HSD17B12: variants seen among roughly 807,000 people sequenced by gnomAD.
HSD17B12 encodes very-long-chain 3-oxoacyl-CoA reductase.
A neutral mutation model predicts 39.3 loss-of-function variants in HSD17B12; 32 were observed. That is an observed-to-expected ratio of 0.81 (90% CI 0.61 to 1.09). HSD17B12 has a LOEUF of 1.09. Ranked by LOEUF, HSD17B12 falls within the 50% of genes least tolerant of loss-of-function variation. HSD17B12 has a pLI of 0.00. For missense variants in HSD17B12, 342 were observed against 382.9 expected, an observed-to-expected ratio of 0.89 and a Z score of 0.89; for synonymous variants, 150 against 146.7, an observed-to-expected ratio of 1.02 and a Z score of -0.16.
intron 9 of HSD17B12, among the ~76,000 whole-genome samples, chr11:43,845,480 CT>C (rs1276215721): frequency 6.6e-6 from 1 of 151,944 alleles, no homozygotes; most frequent in African/African-American, 2.4e-5. Context: ...CTTTTATTTC[CT>C]TTAACCTGGG....
the HSD17B12 span, among the ~76,000 whole-genome samples, chr11:43,641,861 A>G: frequency 6.6e-6 from 1 of 151,946 alleles, no homozygotes; most frequent in Non-Finnish European, 1.5e-5. Flanking sequence ...GTCTAAACAA[A>G]CATTTTAAAT....
chr11:43,839,424 T>A (rs1257937892), intron 8 of HSD17B12, among the ~76,000 whole-genome samples: 4 of 152,166 alleles, frequency 2.6e-5, no homozygotes, highest in Non-Finnish European at 5.9e-5. Flanking sequence ...CTTGATTCTT[T>A]GCATTTCTAG....
the HSD17B12 span, among the ~76,000 whole-genome samples, chr11:43,616,797 TAAAAAAAAAAAAAAA>T: frequency 1.7e-4 from 10 of 59,710 alleles, no homozygotes; most frequent in African/African-American, 7.1e-4. Flanking sequence ...GTGCCCAAAC[TAAAAAAAAAAAAAAA>T]AAAAAAAAAA....
At chr11:43,660,092 G>T in the HSD17B12 span, among the ~76,000 whole-genome samples, 1 of 152,096 alleles carries the variant, frequency 6.6e-6, no homozygotes, top group African/African-American at 2.4e-5. Flanking sequence ...CTCCCTTGCC[G>T]TGCTAGTGGA....
At chr11:43,658,166 C>G in the HSD17B12 span, among the ~76,000 whole-genome samples, 70 of 152,238 alleles carry the variant, frequency 4.6e-4, no homozygotes, top group African/African-American at 1.6e-3. Context: ...CCGCTGATAC[C>G]CTTTCTTCCA....
chr11:43,686,373 C>T (rs561935040), intron 1 of HSD17B12, among the ~76,000 whole-genome samples: 1 of 152,304 alleles, frequency 6.6e-6, no homozygotes, highest in African/African-American at 2.4e-5. Flanking sequence ...GGAAAAAGTT[C>T]TGCAGATTAA....
At chr11:43,734,052 G>A (rs1465005020) in intron 1 of HSD17B12, 17 of 835,188 alleles carry the variant, frequency 2.0e-5, no homozygotes, top group Middle Eastern at 2.3e-4. Context: ...CCGGCCTATC[G>A]CTAGCCAACT....
chr11:43,595,746 T>C, the HSD17B12 span, among the ~76,000 whole-genome samples: 1 of 152,230 alleles, frequency 6.6e-6, no homozygotes, highest in Non-Finnish European at 1.5e-5. Flanking sequence ...CGAAAAATAA[T>C]TCTTGAACAT....
intron 4 of HSD17B12, among the ~76,000 whole-genome samples, chr11:43,814,165 T>C (rs1187041108): frequency 1.2e-5 from 1 of 80,020 alleles, no homozygotes; most frequent in Non-Finnish European, 2.6e-5. Context: ...GTTATTATGA[T>C]TTTTTTTTTT....
chr11:43,800,965 C>A (rs1386337478), intron 4 of HSD17B12, among the ~76,000 whole-genome samples: 1 of 151,946 alleles, frequency 6.6e-6, no homozygotes, highest in Non-Finnish European at 1.5e-5. Context: ...ATGACGAAAC[C>A]CCATCTCTAC....
chr11:43,713,285 C>G lies in HSD17B12; in HGVS notation c.160+32298C>G, dbSNP rs542741571. On this transcript the variant is annotated intron_variant, in intron 1 of 10. Transcript: ENST00000278353. ...CTAATGCTATCCCTCCCCCTCCCCC[C>G]ACCCTACAACAGGCCCCAGTGTGTG... Among the ~76,000 whole-genome samples the G allele has an allele frequency of 4.2e-5, 5 of 117,770 alleles. No individual in the cohort carries two copies. The South Asian group carries it at 1.0e-3, about 24-fold the overall frequency. The allele number at this position is 117,770 out of a possible 152,430, so 77.3% of individuals were successfully genotyped here. A position where few individuals can be genotyped will look rare whatever the true frequency, so the allele number is the denominator to read the frequency against.
intron 1 of HSD17B12, among the ~76,000 whole-genome samples, chr11:43,683,982 T>G (rs2134740666): frequency 6.6e-6 from 1 of 152,352 alleles, no homozygotes; most frequent in South Asian, 2.1e-4. Flanking sequence ...TTTGAAAAAC[T>G]TGAAATACAG....
chr11:43,758,339 C>A (rs1950529284), intron 3 of HSD17B12, among the ~76,000 whole-genome samples: 1 of 152,098 alleles, frequency 6.6e-6, no homozygotes, highest in Admixed American at 6.6e-5. Context: ...TTGGGAGACA[C>A]AGGCAGGAGA....
chr11:43,643,572 A>G, the HSD17B12 span, among the ~76,000 whole-genome samples: 1 of 152,218 alleles, frequency 6.6e-6, no homozygotes, highest in Non-Finnish European at 1.5e-5. Flanking sequence ...AAGGGAAACC[A>G]AAGTATATTG....
the HSD17B12 span, among the ~76,000 whole-genome samples, chr11:43,661,361 ATGT>A: frequency 4.0e-3 from 609 of 152,338 alleles, 6 homozygotes; most frequent in Non-Finnish European, 6.8e-3. Flanking sequence ...GATTATGGAA[ATGT>A]TGTATATCTT....
chr11:43,720,384 A>T (rs1408598672), intron 1 of HSD17B12, among the ~76,000 whole-genome samples: 1 of 152,218 alleles, frequency 6.6e-6, no homozygotes, highest in Non-Finnish European at 1.5e-5. Flanking sequence ...TGTAATTGTT[A>T]AATTAGGTAA....
At chr11:43,753,976 G>T in intron 2 of HSD17B12, 70 bp from the exon 3 acceptor site, 3 of 887,566 alleles carry the variant, frequency 3.4e-6, no homozygotes, top group Non-Finnish European at 3.5e-6. Flanking sequence ...TCTTAAAATG[G>T]GGGTTATAGC....
chr11:43,713,800 C>G (rs1340946347), intron 1 of HSD17B12, among the ~76,000 whole-genome samples: 1 of 152,146 alleles, frequency 6.6e-6, no homozygotes, highest in Non-Finnish European at 1.5e-5. Context: ...TGTTTCCTGA[C>G]TTTTTAATGA....
rs1951580435 is a variant in HSD17B12, at chr11:43,856,050, T to C, written c.*802T>C. 6.6e-6 allele frequency: 1 copy of C among 152,492 alleles called. No individual in the cohort carries two copies. 9.4% of individuals were successfully genotyped at this position (152,492 alleles called of 1,614,324 possible). On this transcript the variant is annotated 3_prime_UTR_variant, in exon 11 of 11. Coordinates refer to ENST00000278353, the MANE Select transcript of HSD17B12 (RefSeq NM_016142.3). ...CACCCAGCTGCCTTTGTTTCTGCATTAAACCAATATTGATCACACATATGA... is the reference window on the plus strand; with the variant it reads ...CACCCAGCTGCCTTTGTTTCTGCATCAAACCAATATTGATCACACATATGA...
Sources: allele counts gnomAD v4.1 joint callset (sites outside exome capture counted in the v4.1 genomes callset), GRCh38; gene constraint gnomAD v4.1.1; transcripts MANE v1.5; gene names NCBI Gene and HGNC (gene_info 2026-07-23, HGNC 2026-07-21).